Variants in GRAMD4 observed in about 807,000 individuals in gnomAD.
GRAMD4 encodes GRAM domain-containing protein 4.
GRAMD4 carries 25 observed loss-of-function variants against 83.9 expected under a neutral mutation model. The observed-to-expected ratio is 0.30, with a 90% CI of 0.22 to 0.42. The LOEUF is 0.42. Among genes scored for constraint, GRAMD4 ranks in the 10% least tolerant of loss-of-function variants. The probability of loss-of-function intolerance (pLI) is 1.00; values close to 1 mark genes in which losing one functional copy is unlikely to be tolerated. For synonymous variants in GRAMD4, 336 were observed against 320.9 expected, an observed-to-expected ratio of 1.05 and a Z score of -0.50; for missense variants, 593 against 788.7, an observed-to-expected ratio of 0.75 and a Z score of 2.97.
intron 13 of GRAMD4, among the ~76,000 whole-genome samples, chr22:46,671,910 A>G (rs1387489522): frequency 3.3e-5 from 5 of 152,246 alleles, no homozygotes; most frequent in African/African-American, 1.2e-4. Flanking sequence ...AAAATGTCCT[A>G]CAAAGGCAAA....
chr22:46,590,462 G>A (rs571715513), intron 1 of GRAMD4, among the ~76,000 whole-genome samples: 17 of 152,354 alleles, frequency 1.1e-4, no homozygotes, highest in African/African-American at 2.6e-4. Flanking sequence ...CCAGGAGCGC[G>A]TCCCAAGGAG....
In GRAMD4 at chr22:46,622,946, A is replaced by C. The variant is rs1222784299; in HGVS notation, c.-50+2381A>C. Among the ~76,000 whole-genome samples, 1 of 151,788 alleles carries C rather than the reference A, an allele frequency of 6.6e-6. No individual in the cohort carries two copies. The highest frequency in any genetic ancestry group is 1.5e-5 in the Non-Finnish European group (1 of 67,956). The stretch of plus-strand genomic sequence containing the variant: ...AAAAAAAAAAACTGATGAAATTGGT[A>C]ATATTTATATTATGTGTGTTTTACC... On this transcript the variant is annotated intron_variant, in intron 1 of 18. Transcript: ENST00000406902. This position sits in a 1 kb window ranked among gnomAD's most constrained non-coding sequence, Gnocchi z 4.0.
chr22:46,660,934 T>A (rs2748336), intron 4 of GRAMD4, among the ~76,000 whole-genome samples: 1,859 of 152,284 alleles, frequency 0.012, 30 homozygotes, highest in African/African-American at 0.043. Flanking sequence ...CCCTGCCCAG[T>A]CCAGGCAGGT....
At chr22:46,641,804 A>G (rs973246803) in intron 3 of GRAMD4, among the ~76,000 whole-genome samples, 1 of 152,014 alleles carries the variant, frequency 6.6e-6, no homozygotes, top group Non-Finnish European at 1.5e-5. Context: ...GTCATTTTCT[A>G]CTTCCGCTAT....
chr22:46,599,783 A>G lies in GRAMD4; in HGVS notation c.-50+22493A>G, dbSNP rs1223064258. Among the ~76,000 whole-genome samples the G allele has an allele frequency of 4.6e-5, 7 of 152,226 alleles. No individual in the cohort carries two copies. In the South Asian group the frequency reaches 1.5e-3, roughly 32 times the overall value. On this transcript the variant is annotated intron_variant, in intron 1 of 1. Coordinates refer to the GRAMD4 transcript ENST00000431155. ...CCACAAGTCAGCACCATCGAACATG[A>G]TGGCCCCACATGCCTACGAGTTCCA...
chr22:46,643,234 T>C (rs2082014007), intron 3 of GRAMD4, among the ~76,000 whole-genome samples: 1 of 149,946 alleles, frequency 6.7e-6, no homozygotes, highest in Non-Finnish European at 1.5e-5. Context: ...CCTGGATCCA[T>C]CCATCTATCC....
At chr22:46,624,663 G>A (rs182706246) in intron 1 of GRAMD4, among the ~76,000 whole-genome samples, 195 of 152,088 alleles carry the variant, frequency 1.3e-3, no homozygotes, top group Admixed American at 3.7e-3. Context: ...TTTTTAAATT[G>A]ACTGAACCTT....
chr22:46,663,945 G>A, intron 7 of GRAMD4, 81 bp from the exon 8 acceptor site: 1 of 1,581,400 alleles, frequency 6.3e-7, no homozygotes. Context: ...GGGATTCTGA[G>A]CTGAACCGAC....
chr22:46,657,059 C>A (rs1306521849), intron 3 of GRAMD4, among the ~76,000 whole-genome samples: 1 of 152,240 alleles, frequency 6.6e-6, no homozygotes, highest in Admixed American at 6.5e-5. Flanking sequence ...AGCATTGTTC[C>A]ACCTGAACTT....
chr22:46,583,321 G>T (rs550573745), intron 1 of GRAMD4, among the ~76,000 whole-genome samples: 45 of 152,342 alleles, frequency 3.0e-4, no homozygotes, highest in African/African-American at 1.1e-3. Flanking sequence ...AGTTTGTCTG[G>T]TGATTAACAT....
chr22:46,633,568 G>A (rs576563375), intron 2 of GRAMD4, among the ~76,000 whole-genome samples: 9 of 152,328 alleles, frequency 5.9e-5, no homozygotes, highest in African/African-American at 2.2e-4. Flanking sequence ...GGCTCTGGCC[G>A]GCCCTGCTTT....
chr22:46,598,133 C>G (rs1036859367), intron 1 of GRAMD4, among the ~76,000 whole-genome samples: 1 of 152,022 alleles, frequency 6.6e-6, no homozygotes, highest in Non-Finnish European at 1.5e-5. Context: ...AGGTGCATAC[C>G]ACCATGCCCA....
rs541669194 is a variant in GRAMD4, at chr22:46,674,762, C to T, written c.1478+12C>T. On this transcript the variant is annotated intron_variant, in intron 16 of 18. Coordinates refer to ENST00000406902, the MANE Select transcript of GRAMD4 (RefSeq NM_015124.5). ...TACGTCACGGAGAAGTGAGTGCAGCCGTGGGGCCCTGTGTGGCTGCAGGGG... is the reference window on the plus strand; with the variant it reads ...TACGTCACGGAGAAGTGAGTGCAGCTGTGGGGCCCTGTGTGGCTGCAGGGG... 21 of 1,581,020 alleles carry T rather than the reference C, an allele frequency of 1.3e-5. No individual in the cohort carries two copies. The highest frequency in any genetic ancestry group is 5.0e-5 in the Admixed American group (3 of 59,994).
At chr22:46,610,156 C>T (rs2081403341) in intron 1 of GRAMD4, among the ~76,000 whole-genome samples, 1 of 152,204 alleles carries the variant, frequency 6.6e-6, no homozygotes, top group Non-Finnish European at 1.5e-5. Context: ...CGCCTTATTC[C>T]TCACCCTTCC....
intron 1 of GRAMD4, among the ~76,000 whole-genome samples, chr22:46,613,064 G>A (rs933978446): frequency 6.6e-6 from 1 of 152,262 alleles, no homozygotes; most frequent in African/African-American, 2.4e-5. Flanking sequence ...CCACAAGACA[G>A]CGCTGCCTCC....
chr22:46,623,648 G>A (rs765968901), intron 1 of GRAMD4, among the ~76,000 whole-genome samples: 2 of 151,872 alleles, frequency 1.3e-5, no homozygotes, highest in South Asian at 2.1e-4. Context: ...CGCCCGCCCC[G>A]GCCTCCCAAA....
intron 3 of GRAMD4, among the ~76,000 whole-genome samples, chr22:46,649,797 G>A (rs1034234861): frequency 2.0e-5 from 3 of 152,334 alleles, no homozygotes; most frequent in Admixed American, 1.3e-4. Flanking sequence ...CAATAAAAGC[G>A]AGGCATTTCT....
chr22:46,655,617 G>T (rs1309801798), intron 3 of GRAMD4, among the ~76,000 whole-genome samples: 2 of 152,204 alleles, frequency 1.3e-5, no homozygotes, highest in Non-Finnish European at 2.9e-5. Flanking sequence ...AGAGGGCTGG[G>T]GGGTAGCTCC....
intron 1 of GRAMD4, among the ~76,000 whole-genome samples, chr22:46,578,492 C>T (rs1248553200): frequency 2.0e-5 from 3 of 152,178 alleles, no homozygotes; most frequent in Non-Finnish European, 4.4e-5. Flanking sequence ...ATGTGGGCCT[C>T]CTCAGGCTGG....
Sources: gnomAD v4.1 joint callset for allele counts (sites outside exome capture counted in the v4.1 genomes callset) on GRCh38, gnomAD v4.1.1 for gene constraint, Gnocchi (gnomAD v3.1) non-coding constraint, MANE v1.5 for transcripts, NCBI Gene and HGNC (gene_info 2026-07-23, HGNC 2026-07-21) for gene names.